MOCOS: variants seen among roughly 807,000 people sequenced by gnomAD.
MOCOS encodes human molybdenum cofactor sulfurase.
In MOCOS, 86 loss-of-function variants were observed where a neutral mutation model predicts 83.6. That is an observed-to-expected ratio of 1.03 (90% CI 0.86 to 1.23). The LOEUF (loss-of-function observed/expected upper bound fraction) is 1.23. Among genes scored for constraint, MOCOS ranks in the 50% most tolerant of loss-of-function variants. The probability of loss-of-function intolerance (pLI) is 0.00; values close to 1 mark genes in which losing one functional copy is unlikely to be tolerated. For synonymous variants in MOCOS, 445 were observed against 434.7 expected, an observed-to-expected ratio of 1.02 and a Z score of -0.29; for missense variants, 1,120 against 1,126.9, an observed-to-expected ratio of 0.99 and a Z score of 0.09.
chr18:36,219,197 T>A (rs28790631), intron 8 of MOCOS, among the ~76,000 whole-genome samples: 3 of 106,882 alleles, frequency 2.8e-5, no homozygotes, highest in Non-Finnish European at 6.6e-5. Flanking sequence ...TATTTTATTT[T>A]TTTTTTTGAC....
chr18:36,200,143 C>T lies in MOCOS; in HGVS notation c.760C>T (p.Gln254Ter). 6.2e-7 allele frequency: 1 copy of T among 1,614,212 alleles called. No homozygotes were observed. Among genetic ancestry groups the T allele is most frequent in the Non-Finnish European group, 8.5e-7 (1 of 1,180,038 alleles). The change falls in exon 4 of 15, where the codon CAG (glutamine) becomes TAG (stop). Residue 254 changes from glutamine (Q) to a stop codon, truncating the protein, a stop_gained. Coordinates refer to ENST00000261326, the MANE Select transcript of MOCOS (RefSeq NM_017947.4). LOFTEE classifies it high-confidence loss of function. ...CTCGCCTTTGGACCTGTCAGCTCAC[C>T]AGGCCGACTTTGTCCCCATCTCCTT... ...STSPLDLSAHQADFVPISFYK... is the reference protein window; with the variant it reads ...STSPLDLSAH
chr18:36,241,441 A>G (rs1019116680), intron 9 of MOCOS, among the ~76,000 whole-genome samples: 3 of 152,246 alleles, frequency 2.0e-5, no homozygotes, highest in Admixed American at 6.5e-5. Context: ...CTTTGACTCC[A>G]TGTCTCACAT....
chr18:36,210,382 C>T (rs1459896429), intron 6 of MOCOS, among the ~76,000 whole-genome samples: 1 of 152,104 alleles, frequency 6.6e-6, no homozygotes, highest in Non-Finnish European at 1.5e-5. Flanking sequence ...AGACCCCTTG[C>T]CCCCACTGCC....
Position 36,205,103 on chromosome 18 carries a change from A to G in MOCOS, c.1045A>G (p.Thr349Ala), listed in dbSNP as rs781614235. The G allele has an allele frequency of 3.7e-6, 6 of 1,612,544 alleles. No homozygotes were observed. The East Asian group carries it at 6.7e-5, about 18-fold the overall frequency. Residue 349 changes from threonine (T) to alanine (A), a missense_variant, in exon 6 of 15, where the codon ACC becomes GCC. Physicochemically the swap from Thr to Ala is moderately conservative, Grantham distance 58 (BLOSUM62 0). Coordinates refer to ENST00000261326, the MANE Select transcript of MOCOS (RefSeq NM_017947.4). ...TGGAATGGAGAATATAAAGCAGCAC[A>G]CCTTCACCTTGGCTCAGTATACCTA... is the stretch of plus-strand genomic sequence containing the variant. ...TGGMENIKQH[T>A]FTLAQYTYVA... is the part of the protein sequence containing the mutation.
At position 36,199,896 on chromosome 18, in the gene MOCOS, G is replaced by C; in HGVS notation, c.513G>C (p.Pro171=). Residue 171 remains proline, a synonymous_variant, in exon 4 of 15, where the codon CCG becomes CCC. Transcript: ENST00000261326. ...VTMAINVIST[P]VRPEDLWSAE... is the part of the protein sequence containing the mutation. ...TGGCTATAAATGTCATATCCACCCC[G>C]GTCAGGCCAGAGGACCTGTGGTCTG... is the stretch of plus-strand genomic sequence containing the variant. 1 of 1,613,660 alleles carries C rather than the reference G, an allele frequency of 6.2e-7. No individual in the cohort carries two copies. Among genetic ancestry groups the C allele is most frequent in the Non-Finnish European group, 8.5e-7 (1 of 1,179,854 alleles).
At chr18:36,265,571 A>G (rs2091679090) in intron 13 of MOCOS, among the ~76,000 whole-genome samples, 1 of 152,198 alleles carries the variant, frequency 6.6e-6, no homozygotes, top group South Asian at 2.1e-4. Context: ...CACTTTTTAC[A>G]TGTGCAATAA....
At chr18:36,216,235 T>G (rs1385112147) in intron 8 of MOCOS, among the ~76,000 whole-genome samples, 1 of 152,204 alleles carries the variant, frequency 6.6e-6, no homozygotes, top group Non-Finnish European at 1.5e-5. Flanking sequence ...TTTCACTGAA[T>G]GTGTGTGCTG....
chr18:36,240,714 T>C (rs144381656), intron 9 of MOCOS, among the ~76,000 whole-genome samples: 3 of 152,158 alleles, frequency 2.0e-5, no homozygotes, highest in Admixed American at 6.5e-5. Flanking sequence ...TGGGCAATGG[T>C]GGGCGCCCCT....
intron 1 of MOCOS, chr18:36,189,984 C>T (rs550909564): frequency 1.4e-4 from 21 of 152,292 alleles, no homozygotes; most frequent in Non-Finnish European, 2.8e-4. Context: ...ACTGTTAACC[C>T]CTATGCTGCC....
Position 36,271,565 on chromosome 18 carries a change from A to T in MOCOS, c.*2880A>T, listed in dbSNP as rs910105224. ...CAGCCTTATGTGCTTCTCAAAGTGTATAACAAAATCAAAGACAATGTCATG... is the reference window on the plus strand; with the variant it reads ...CAGCCTTATGTGCTTCTCAAAGTGTTTAACAAAATCAAAGACAATGTCATG... On this transcript the variant is annotated 3_prime_UTR_variant, in exon 15 of 15. Transcript: ENST00000261326. 1 of 152,168 alleles carries T rather than the reference A, an allele frequency of 6.6e-6. No homozygotes were observed. Among genetic ancestry groups the T allele is most frequent in the Non-Finnish European group, 1.5e-5 (1 of 68,034 alleles). 9.4% of individuals were successfully genotyped at this position (152,168 alleles called of 1,614,324 possible). A position where few individuals can be genotyped will look rare whatever the true frequency, so the allele number is the denominator to read the frequency against.
chr18:36,214,100 G>C (rs531349329), intron 7 of MOCOS, among the ~76,000 whole-genome samples: 2 of 151,772 alleles, frequency 1.3e-5, no homozygotes, highest in African/African-American at 2.4e-5. Context: ...AATTATCCAG[G>C]TGTGGTGGTG....
At chr18:36,255,302 G>A (rs1200101047) in intron 11 of MOCOS, among the ~76,000 whole-genome samples, 3 of 152,180 alleles carry the variant, frequency 2.0e-5, no homozygotes, top group African/African-American at 7.2e-5. Flanking sequence ...TCTGAAGTAT[G>A]TGACCGAAGC....
At chr18:36,193,725 C>A (rs1214882968) in intron 1 of MOCOS, among the ~76,000 whole-genome samples, 2 of 152,086 alleles carry the variant, frequency 1.3e-5, no homozygotes, top group Non-Finnish European at 2.9e-5. Context: ...CATAAATAGA[C>A]AAATTGGATT....
At chr18:36,236,721 G>A (rs550862568) in intron 9 of MOCOS, among the ~76,000 whole-genome samples, 1 of 141,940 alleles carries the variant, frequency 7.0e-6, no homozygotes, top group African/African-American at 2.7e-5. Context: ...ATTACCTTGG[G>A]CAGTATGGCC....
intron 2 of MOCOS, among the ~76,000 whole-genome samples, chr18:36,197,001 G>T (rs954193372): frequency 6.6e-6 from 1 of 152,146 alleles, no homozygotes; most frequent in African/African-American, 2.4e-5. Context: ...AGCCTGTCTG[G>T]GGGTTAAGTT....
At chr18:36,253,432 C>A (rs2091629191) in intron 11 of MOCOS, among the ~76,000 whole-genome samples, 2 of 152,060 alleles carry the variant, frequency 1.3e-5, no homozygotes, top group Non-Finnish European at 2.9e-5. Context: ...CTTTGGGAGG[C>A]CGAGGCGGGC....
intron 9 of MOCOS, among the ~76,000 whole-genome samples, chr18:36,242,334 A>G (rs1053457507): frequency 6.6e-6 from 1 of 152,194 alleles, no homozygotes; most frequent in Non-Finnish European, 1.5e-5. Context: ...CCTCATCTCT[A>G]TCTGAGACTA....
rs2091658388 is a variant in MOCOS, at chr18:36,260,141, G to T, written c.2375G>T (p.Trp792Leu). The T allele has an allele frequency of 6.2e-7, 1 of 1,614,180 alleles. No homozygotes were observed. Among genetic ancestry groups the T allele is most frequent in the Non-Finnish European group, 8.5e-7 (1 of 1,180,036 alleles). Residue 792 changes from tryptophan to leucine, a missense_variant, in exon 13 of 15, where the codon TGG (tryptophan) becomes TTG (leucine). By Grantham distance (61) the Trp-to-Leu change is moderately conservative. Coordinates refer to ENST00000261326, the MANE Select transcript of MOCOS (RefSeq NM_017947.4). ...NGKRAFEEEK[W>L]DEISIGSLRF... Reference sequence around the variant, plus strand: ...AAAAGGGCTTTTGAAGAAGAGAAATGGGATGAGATTTCAATTGGCTCTTTG... The same window carrying T: ...AAAAGGGCTTTTGAAGAAGAGAAATTGGATGAGATTTCAATTGGCTCTTTG...
intron 1 of MOCOS, 127 bp downstream of exon 1, chr18:36,187,808 G>T (rs898508833): frequency 9.5e-7 from 1 of 1,053,268 alleles, no homozygotes; most frequent in Non-Finnish European, 1.2e-6. Context: ...CAGGAGGGAC[G>T]TGTCCACGCG....
Sources: gnomAD v4.1 joint callset for allele counts (sites outside exome capture counted in the v4.1 genomes callset) on GRCh38, gnomAD v4.1.1 for gene constraint, MANE v1.5 for transcripts, NCBI Gene and HGNC (gene_info 2026-07-23, HGNC 2026-07-21) for gene names.